MBNL1: variants seen among roughly 807,000 people sequenced by gnomAD.
MBNL1 encodes the protein muscleblind-like protein 1.
MBNL1 carries 8 observed loss-of-function variants against 42.2 expected under a neutral mutation model. The observed-to-expected ratio is 0.19, with a 90% CI of 0.11 to 0.34. MBNL1 has a LOEUF of 0.34. Among genes scored for constraint, MBNL1 ranks in the 10% least tolerant of loss-of-function variants. The pLI is 1.00. For synonymous variants in MBNL1, 169 were observed against 173.9 expected (o/e 0.97, Z 0.22); for missense variants, 309 against 495.3 (o/e 0.62, Z 3.57).
intron 1 of MBNL1, among the ~76,000 whole-genome samples, chr3:152,292,483 A>G (rs114284154): frequency 3.3e-3 from 504 of 152,338 alleles, no homozygotes; most frequent in African/African-American, 0.012. Flanking sequence ...TCAGAATTCT[A>G]AAAGACTGCT....
intron 1 of MBNL1, among the ~76,000 whole-genome samples, chr3:152,280,004 CAAATA>C (rs1204208778): frequency 1.3e-5 from 2 of 151,964 alleles, no homozygotes; most frequent in Non-Finnish European, 2.9e-5. Flanking sequence ...GAACATATGG[CAAATA>C]AAATTATGTG....
intron 2 of MBNL1, among the ~76,000 whole-genome samples, chr3:152,247,368 AATT>A (rs1274689063): frequency 1.3e-5 from 2 of 152,174 alleles, no homozygotes; most frequent in South Asian, 2.1e-4. Context: ...ATAAATAAGA[AATT>A]ATTATGATTG....
chr3:152,292,764 T>A (rs1380150183), intron 1 of MBNL1, among the ~76,000 whole-genome samples: 5 of 152,060 alleles, frequency 3.3e-5, no homozygotes, highest in Non-Finnish European at 7.4e-5. Flanking sequence ...AAAAATTTAT[T>A]TAATTAATAC....
chr3:152,413,016 A>G (rs1230636789), intron 2 of MBNL1, among the ~76,000 whole-genome samples: 1 of 152,136 alleles, frequency 6.6e-6, no homozygotes, highest in African/African-American at 2.4e-5. Context: ...TTTCTAGGAG[A>G]CTTCAACTAA....
intron 2 of MBNL1, 111 bp downstream of exon 2, chr3:152,300,478 A>G: frequency 2.2e-6 from 2 of 925,762 alleles, no homozygotes; most frequent in Non-Finnish European, 3.2e-6. Context: ...TAGTTTAGTT[A>G]TACAGTGTGT....
At chr3:152,451,667 A>G (rs931222218) in intron 6 of MBNL1, among the ~76,000 whole-genome samples, 4 of 152,202 alleles carry the variant, frequency 2.6e-5, no homozygotes, top group African/African-American at 7.2e-5. Flanking sequence ...AATCCTTTAG[A>G]TAGGACACAT....
chr3:152,283,384 G>A (rs1262232525), intron 1 of MBNL1, among the ~76,000 whole-genome samples: 1 of 152,152 alleles, frequency 6.6e-6, no homozygotes, highest in Non-Finnish European at 1.5e-5. Flanking sequence ...GACTGTTGTT[G>A]TTGTTGGTGG....
chr3:152,328,906 A>G (rs1219510628), intron 2 of MBNL1, among the ~76,000 whole-genome samples: 1 of 152,208 alleles, frequency 6.6e-6, no homozygotes, highest in African/African-American at 2.4e-5. Context: ...GTTTGCTAAT[A>G]CATAAATATT....
intron 2 of MBNL1, among the ~76,000 whole-genome samples, chr3:152,249,734 G>C (rs1334476556): frequency 2.1e-5 from 3 of 141,882 alleles, no homozygotes; most frequent in Non-Finnish European, 4.6e-5. Context: ...TTTTCTTCTA[G>C]GGTTTTTATG....
intron 2 of MBNL1, among the ~76,000 whole-genome samples, chr3:152,390,929 G>A (rs1286748834): frequency 2.6e-5 from 4 of 152,162 alleles, no homozygotes; most frequent in Non-Finnish European, 5.9e-5. Context: ...ATGTGAGAGC[G>A]AGACTAGAAA....
intron 2 of MBNL1, among the ~76,000 whole-genome samples, chr3:152,403,648 C>G (rs2098325873): frequency 3.9e-5 from 6 of 152,044 alleles, no homozygotes; most frequent in Admixed American, 3.9e-4. Flanking sequence ...GTGGAATTCT[C>G]TAGGTATGGG....
At chr3:152,356,668 C>T (rs2095539891) in intron 2 of MBNL1, among the ~76,000 whole-genome samples, 1 of 152,112 alleles carries the variant, frequency 6.6e-6, no homozygotes, top group Non-Finnish European at 1.5e-5. Context: ...CCGGGTTTCA[C>T]CATGTTGGTC....
At chr3:152,350,411 A>G (rs973933618) in intron 2 of MBNL1, among the ~76,000 whole-genome samples, 1 of 152,126 alleles carries the variant, frequency 6.6e-6, no homozygotes, top group African/African-American at 2.4e-5. Flanking sequence ...GCCTCAACAC[A>G]TGTAGACAAC....
At chr3:152,322,617 G>A (rs1030704882) in intron 2 of MBNL1, among the ~76,000 whole-genome samples, 1 of 151,952 alleles carries the variant, frequency 6.6e-6, no homozygotes, top group African/African-American at 2.4e-5. Flanking sequence ...AACAAGATTG[G>A]TATGAGTTAT....
At chr3:152,433,424 TA>T (rs2099032867) in intron 4 of MBNL1, among the ~76,000 whole-genome samples, 1 of 152,142 alleles carries the variant, frequency 6.6e-6, no homozygotes, top group Non-Finnish European at 1.5e-5. Flanking sequence ...TTGGTTGAAG[TA>T]GAAAGAAAAC....
At chr3:152,270,253 A>G (rs2040422310) in intron 1 of MBNL1, among the ~76,000 whole-genome samples, 1 of 152,160 alleles carries the variant, frequency 6.6e-6, no homozygotes, top group African/African-American at 2.4e-5. Context: ...GTCATAGCAG[A>G]TGGATGGCAA....
chr3:152,437,562 G>A (rs1040864004), intron 4 of MBNL1, among the ~76,000 whole-genome samples: 1 of 151,950 alleles, frequency 6.6e-6, no homozygotes, highest in African/African-American at 2.4e-5. Context: ...AACATTCTAG[G>A]GACATTTAGG....
intron 2 of MBNL1, among the ~76,000 whole-genome samples, chr3:152,322,323 A>T (rs1396302831): frequency 3.3e-5 from 5 of 152,100 alleles, no homozygotes; most frequent in Non-Finnish European, 2.9e-5. Context: ...CTCCTGACCC[A>T]TGCCATAACT....
chr3:152,325,182 C>A (rs1267003099), intron 2 of MBNL1, among the ~76,000 whole-genome samples: 1 of 147,136 alleles, frequency 6.8e-6, no homozygotes, highest in African/African-American at 2.5e-5. Flanking sequence ...TTTTGCAGAC[C>A]TTTTCCATGT....
Sources: gnomAD v4.1 joint callset for allele counts (sites outside exome capture counted in the v4.1 genomes callset) on GRCh38, gnomAD v4.1.1 for gene constraint, MANE v1.5 for transcripts, NCBI Gene and HGNC (gene_info 2026-07-23, HGNC 2026-07-21) for gene names.